FRMPD3: variants seen among roughly 807,000 people sequenced by gnomAD.
FRMPD3 encodes FERM and PDZ domain-containing protein 3.
A neutral mutation model predicts 97.9 loss-of-function variants in FRMPD3; 42 were observed. The ratio of observed to expected loss-of-function variants is 0.43; its 90% CI spans 0.34 to 0.55. FRMPD3 has a LOEUF of 0.55. FRMPD3 is among the 20% of genes least tolerant of loss of function. The pLI, the probability that FRMPD3 is intolerant of heterozygous loss-of-function variation, is 0.03. For synonymous variants in FRMPD3, 577 were observed against 581.1 expected (o/e 0.99, Z 0.10); for missense variants, 1,303 against 1,457.7 (o/e 0.89, Z 1.73).
At chrX:107,563,318 T>C (rs1922458706) in intron 11 of FRMPD3, 118 bp downstream of exon 11, 10 of 523,959 alleles carry the variant, frequency 1.9e-5, no homozygotes, top group Middle Eastern at 5.7e-4. Context: ...TCCTCCTCCT[T>C]CTACCTCTTA....
At chrX:107,514,832 G>A (rs977998709) in intron 1 of FRMPD3, among the ~76,000 whole-genome samples, 28 of 110,976 alleles carry the variant, frequency 2.5e-4, no homozygotes, top group Non-Finnish European at 3.8e-5. Flanking sequence ...GGTCTTGGAT[G>A]GGTTTTTAGG....
At position 107,602,455 on chromosome X, in the gene FRMPD3, C is replaced by T. The variant is rs773055381; in HGVS notation, c.4416C>T (p.Pro1472=). The T allele has an allele frequency of 1.3e-5, 16 of 1,209,802 alleles. No homozygotes were observed. The highest frequency in any genetic ancestry group is 3.5e-5 in the African/African-American group (2 of 57,605). The change falls in exon 15 of 15, where the codon CCC becomes CCT. Residue 1472 remains proline, a synonymous_variant. Transcript: ENST00000683843. ...GACAGATGGCCGTGTTCTCACTGCC[C>T]GAGGAGGTGTACCGGAAGCCTGCCG... The part of the protein sequence containing the change: ...GPRQMAVFSL[P]EEVYRKPAEL...
At chrX:107,569,914 G>T (rs1011381575) in intron 12 of FRMPD3, among the ~76,000 whole-genome samples, 9 of 110,099 alleles carry the variant, frequency 8.2e-5, no homozygotes, top group Non-Finnish European at 1.7e-4. Context: ...TACTCAGGAG[G>T]TTGAGGTGGG....
intron 13 of FRMPD3, among the ~76,000 whole-genome samples, chrX:107,583,695 A>G (rs1923504450): frequency 9.1e-6 from 1 of 110,019 alleles, no homozygotes; most frequent in Non-Finnish European, 1.9e-5. Flanking sequence ...ACTAATTTTC[A>G]CTCCCACCAA....
At chrX:107,590,229 C>T (rs1024279557) in intron 13 of FRMPD3, among the ~76,000 whole-genome samples, 9 of 112,367 alleles carry the variant, frequency 8.0e-5, no homozygotes, top group Admixed American at 4.7e-4. Flanking sequence ...TTTACTTTTT[C>T]CTTTCCAATC....
intron 1 of FRMPD3, among the ~76,000 whole-genome samples, chrX:107,482,358 G>A (rs189184294): frequency 1.8e-5 from 2 of 112,002 alleles, no homozygotes; most frequent in South Asian, 3.8e-4. Flanking sequence ...CTAGTAGGTA[G>A]CTGCTGGCTG....
At chrX:107,597,229 G>T in intron 13 of FRMPD3, 92 bp from the exon 14 acceptor site, 1 of 787,922 alleles carries the variant, frequency 1.3e-6, no homozygotes, top group Non-Finnish European at 1.9e-6. Context: ...CCACTTGATT[G>T]TGCTACAGAG....
At chrX:107,598,203 G>A (rs1879333941) in intron 14 of FRMPD3, 61 bp downstream of exon 14, 1 of 988,094 alleles carries the variant, frequency 1.0e-6, no homozygotes, top group Admixed American at 2.6e-5. Flanking sequence ...AGGGCCAGTA[G>A]GTAACATTGT....
At chrX:107,553,980 C>T (rs755023602) in intron 7 of FRMPD3, among the ~76,000 whole-genome samples, 1 of 111,621 alleles carries the variant, frequency 9.0e-6, no homozygotes, top group South Asian at 3.8e-4. Flanking sequence ...TATTTTAAAC[C>T]TTTGATTTAC....
At chrX:107,533,232 G>A (rs983668800) in intron 3 of FRMPD3, among the ~76,000 whole-genome samples, 8 of 111,933 alleles carry the variant, frequency 7.1e-5, no homozygotes, top group African/African-American at 2.6e-4. Context: ...CAGAGAGTAT[G>A]TGAGAAGGAA....
At chrX:107,543,018 A>C (rs1392389448) in intron 4 of FRMPD3, among the ~76,000 whole-genome samples, 1 of 111,503 alleles carries the variant, frequency 9.0e-6, no homozygotes, top group Non-Finnish European at 1.9e-5. Flanking sequence ...ATATATCCAG[A>C]ATTCATTCAC....
chrX:107,604,411 G>T lies in FRMPD3; in HGVS notation c.*1038G>T, dbSNP rs1924723434. ...GGCTGTGTATTGACCCTGTGGATTTGTCTCTCTAAGAAAAGAAGCTGAGCG... is the reference window on the plus strand; with the variant it reads ...GGCTGTGTATTGACCCTGTGGATTTTTCTCTCTAAGAAAAGAAGCTGAGCG... On this transcript the variant is annotated 3_prime_UTR_variant, in exon 15 of 15. Transcript: ENST00000683843. The T allele has an allele frequency of 9.1e-6, 1 of 109,994 alleles. No homozygotes were observed. Among genetic ancestry groups the T allele is most frequent in the South Asian group, 3.9e-4 (1 of 2,597 alleles). 9.1% of individuals were successfully genotyped at this position (109,994 alleles called of 1,213,427 possible).
chrX:107,527,837 A>AC (rs1556200891), intron 2 of FRMPD3, among the ~76,000 whole-genome samples: 1 of 111,250 alleles, frequency 9.0e-6, no homozygotes, highest in Non-Finnish European at 1.9e-5. Flanking sequence ...GAGGAAAAAA[A>AC]ACACACACAC....
chrX:107,563,539 A>T (rs5962850), intron 11 of FRMPD3, among the ~76,000 whole-genome samples: 16,955 of 112,414 alleles, frequency 0.15, 2,682 homozygotes, highest in African/African-American at 0.48. Context: ...AGATTATGAA[A>T]GCAGCCACAG....
At chrX:107,488,132 G>A (rs1921555847) in intron 1 of FRMPD3, among the ~76,000 whole-genome samples, 1 of 111,321 alleles carries the variant, frequency 9.0e-6, no homozygotes, top group Non-Finnish European at 1.9e-5. Flanking sequence ...CGTTGCCTTG[G>A]CTCCTGCCTA....
intron 1 of FRMPD3, among the ~76,000 whole-genome samples, chrX:107,510,433 T>G (rs974601394): frequency 1.8e-5 from 2 of 111,346 alleles, no homozygotes; most frequent in African/African-American, 3.3e-5. Context: ...CCCTGATGCA[T>G]CCAAAGACGA....
intron 1 of FRMPD3, among the ~76,000 whole-genome samples, chrX:107,461,238 C>T (rs1183360642): frequency 9.0e-6 from 1 of 111,708 alleles, no homozygotes; most frequent in Non-Finnish European, 1.9e-5. Context: ...TTGGAGTTTA[C>T]CATCATTTTA....
At chrX:107,588,613 G>A (rs777762816) in intron 13 of FRMPD3, among the ~76,000 whole-genome samples, 39 of 111,839 alleles carry the variant, frequency 3.5e-4, no homozygotes, top group Non-Finnish European at 7.0e-4. Context: ...CTGAATTTGC[G>A]TGTTGGTCTG....
chrX:107,450,989 T>G (rs1178903611), intron 1 of FRMPD3, among the ~76,000 whole-genome samples: 3 of 109,288 alleles, frequency 2.7e-5, no homozygotes, highest in Non-Finnish European at 5.7e-5. Context: ...CCCTCCACGC[T>G]CGAGCTGTTG....
Sources: gnomAD v4.1 joint callset for allele counts (sites outside exome capture counted in the v4.1 genomes callset) on GRCh38, gnomAD v4.1.1 for gene constraint, MANE v1.5 for transcripts, NCBI Gene and HGNC (gene_info 2026-07-23, HGNC 2026-07-21) for gene names.